Variants in RAB30 observed in about 807,000 individuals in gnomAD.
RAB30 encodes the protein RAB30, member RAS oncogene family.
A neutral mutation model predicts 25.1 loss-of-function variants in RAB30; 9 were observed. That is an observed-to-expected ratio of 0.36 (90% CI 0.22 to 0.63). The LOEUF is 0.63. RAB30 is among the 20% of genes least tolerant of loss of function. The probability of loss-of-function intolerance (pLI) is 0.69; values close to 1 mark genes in which losing one functional copy is unlikely to be tolerated. For missense variants in RAB30, 140 were observed against 243.5 expected (o/e 0.58, Z 2.83); for synonymous variants, 77 against 86.4 (o/e 0.89, Z 0.60).
chr11:83,018,088 C>T (rs975419932), intron 1 of RAB30, among the ~76,000 whole-genome samples: 1 of 152,204 alleles, frequency 6.6e-6, no homozygotes, highest in African/African-American at 2.4e-5. Context: ...ATCACAAGGT[C>T]AGGAGATTGA....
chr11:83,041,713 TAAACTTTTTAACTTTA>T (rs1858120927), intron 1 of RAB30: 1 of 153,750 alleles, frequency 6.5e-6, no homozygotes, highest in Admixed American at 6.5e-5. Flanking sequence ...AAAGTTTTTA[TAAACTTTTTAACTTTA>T]AAACTTTTTT....
At chr11:83,061,720 T>TC (rs1858586959) in intron 1 of RAB30, among the ~76,000 whole-genome samples, 1 of 144,848 alleles carries the variant, frequency 6.9e-6, no homozygotes, top group African/African-American at 2.5e-5. Context: ...CTTTTTTTTT[T>TC]TTTTTTTTTT....
intron 1 of RAB30, among the ~76,000 whole-genome samples, chr11:83,050,421 T>C (rs1858331854): frequency 6.6e-6 from 1 of 152,146 alleles, no homozygotes; most frequent in South Asian, 2.1e-4. Flanking sequence ...TTCAACAGAC[T>C]GTCTGGCACA....
At chr11:83,044,679 T>G (rs562366053) in intron 1 of RAB30, among the ~76,000 whole-genome samples, 1 of 152,338 alleles carries the variant, frequency 6.6e-6, no homozygotes, top group East Asian at 1.9e-4. Context: ...AATGAGTTGG[T>G]TGTTCTCGTT....
chr11:83,047,080 C>T (rs1020192202), intron 1 of RAB30, among the ~76,000 whole-genome samples: 4 of 152,192 alleles, frequency 2.6e-5, no homozygotes, highest in Admixed American at 1.3e-4. Flanking sequence ...TTGCTAACTG[C>T]ATAAATGAAT....
intron 4 of RAB30, 166 bp downstream of exon 4, chr11:82,987,421 A>G (rs927509964): frequency 1.9e-5 from 11 of 587,034 alleles, no homozygotes; most frequent in Non-Finnish European, 2.7e-5. Context: ...ACCATGGGAT[A>G]GGACCTATTT....
chr11:83,057,447 G>A (rs1858480401), intron 1 of RAB30, among the ~76,000 whole-genome samples: 1 of 152,088 alleles, frequency 6.6e-6, no homozygotes, highest in Admixed American at 6.5e-5. Flanking sequence ...CTCTTAGAAA[G>A]CAAAGTTCTT....
chr11:83,031,794 T>C (rs1857867617), intron 1 of RAB30, among the ~76,000 whole-genome samples: 2 of 152,238 alleles, frequency 1.3e-5, no homozygotes, highest in South Asian at 4.1e-4. Flanking sequence ...CCCAAAGTGC[T>C]GGGATTACAA....
intron 1 of RAB30, among the ~76,000 whole-genome samples, chr11:82,998,546 TAA>T (rs34769119): frequency 7.4e-5 from 8 of 108,032 alleles, no homozygotes; most frequent in Non-Finnish European, 9.6e-5. Context: ...AGACTCTGTC[TAA>T]AAAAAAAAAA....
chr11:83,051,424 C>T (rs1858354823), intron 1 of RAB30, among the ~76,000 whole-genome samples: 1 of 152,208 alleles, frequency 6.6e-6, no homozygotes, highest in African/African-American at 2.4e-5. Context: ...ATCCTTCCCA[C>T]ACATTCTCTC....
intron 1 of RAB30, among the ~76,000 whole-genome samples, chr11:83,048,051 C>T (rs968086116): frequency 6.6e-6 from 1 of 152,056 alleles, no homozygotes; most frequent in African/African-American, 2.4e-5. Flanking sequence ...TGAGATTGGC[C>T]TTAGCAACAT....
intron 1 of RAB30, among the ~76,000 whole-genome samples, chr11:83,016,762 G>A (rs956946226): frequency 2.6e-5 from 4 of 152,220 alleles, no homozygotes; most frequent in African/African-American, 4.8e-5. Flanking sequence ...TCAGAACAGA[G>A]TCGGAAGGAA....
At chr11:83,065,338 T>G (rs1291339991) in intron 1 of RAB30, among the ~76,000 whole-genome samples, 3 of 152,026 alleles carry the variant, frequency 2.0e-5, no homozygotes, top group African/African-American at 7.3e-5. Context: ...TGCAGTGAGC[T>G]GTGATCACAC....
intron 1 of RAB30, among the ~76,000 whole-genome samples, chr11:83,052,018 T>G (rs1858369075): frequency 6.6e-6 from 1 of 152,106 alleles, no homozygotes; most frequent in South Asian, 2.1e-4. Context: ...ATAAATGAGA[T>G]TACAAAAATA....
chr11:83,064,415 T>C (rs903734779), intron 1 of RAB30, among the ~76,000 whole-genome samples: 7 of 152,176 alleles, frequency 4.6e-5, no homozygotes, highest in Non-Finnish European at 7.3e-5. Context: ...GCCAATCTTA[T>C]GTCAATTCTA....
At chr11:83,027,055 C>T (rs778314871) in intron 1 of RAB30, among the ~76,000 whole-genome samples, 1 of 152,110 alleles carries the variant, frequency 6.6e-6, no homozygotes, top group African/African-American at 2.4e-5. Flanking sequence ...GAGTTAGATA[C>T]CTAGATTCCC....
In RAB30 at chr11:82,979,188, C is replaced by T. The variant is rs2121422624; in HGVS notation, c.*2977G>A. ...AGCCATAAGAAAATATCATTATCAG[C>T]AAACTATTATTTCATAGATTTTCCC... On this transcript the variant is annotated 3_prime_UTR_variant, in exon 5 of 5. Coordinates refer to ENST00000527633, the MANE Select transcript of RAB30 (RefSeq NM_001286060.2). The T allele has an allele frequency of 6.6e-6, 1 of 152,244 alleles. No individual in the cohort carries two copies. The highest frequency in any genetic ancestry group is 6.5e-5 in the Admixed American group (1 of 15,292). The allele number at this position is 152,244 out of a possible 1,614,324, so 9.4% of individuals were successfully genotyped here.
At chr11:83,016,909 G>A (rs1378618259) in intron 1 of RAB30, among the ~76,000 whole-genome samples, 1 of 152,078 alleles carries the variant, frequency 6.6e-6, no homozygotes, top group Admixed American at 6.6e-5. Flanking sequence ...ATCTGGCTGG[G>A]GTCCTACTAG....
intron 1 of RAB30, among the ~76,000 whole-genome samples, chr11:83,003,784 A>T (rs1298452392): frequency 1.4e-5 from 2 of 144,700 alleles, no homozygotes; most frequent in East Asian, 1.9e-4. Context: ...TTGTTAATTT[A>T]AAAAAAAAAC....
Sources: allele counts gnomAD v4.1 joint callset (sites outside exome capture counted in the v4.1 genomes callset), GRCh38; gene constraint gnomAD v4.1.1; transcripts MANE v1.5; gene names NCBI Gene and HGNC (gene_info 2026-07-23, HGNC 2026-07-21).